The following NAALAD2 variants were observed in gnomAD, a reference collection of about 807,000 sequenced individuals.
NAALAD2 encodes the protein N-acetylated alpha-linked acidic dipeptidase 2, also known as N-acetylated-alpha-linked acidic dipeptidase 2.
A neutral mutation model predicts 95.6 loss-of-function variants in NAALAD2; 89 were observed. That is an observed-to-expected ratio of 0.93 (90% CI 0.78 to 1.11). NAALAD2 has a LOEUF of 1.11. Among genes scored for constraint, NAALAD2 ranks in the 50% least tolerant of loss-of-function variants. The pLI, the probability that NAALAD2 is intolerant of heterozygous loss-of-function variation, is 0.00. For synonymous variants in NAALAD2, 264 were observed against 294.4 expected (o/e 0.90, Z 1.06); for missense variants, 894 against 872.4 (o/e 1.02, Z -0.31).
chr11:90,173,371 T>G (rs1952697326), intron 13 of NAALAD2, among the ~76,000 whole-genome samples: 2 of 152,222 alleles, frequency 1.3e-5, no homozygotes, highest in Admixed American at 1.3e-4. Flanking sequence ...GAAGCTGAGC[T>G]TGAAATTATG....
At chr11:90,155,418 C>A (rs1281315403) in intron 6 of NAALAD2, among the ~76,000 whole-genome samples, 14 of 79,290 alleles carry the variant, frequency 1.8e-4, no homozygotes, top group African/African-American at 8.5e-4. Context: ...TGTAATATTA[C>A]ATATTATACA....
At chr11:90,136,612 A>G (rs1227546314) in intron 2 of NAALAD2, among the ~76,000 whole-genome samples, 1 of 152,180 alleles carries the variant, frequency 6.6e-6, no homozygotes, top group Non-Finnish European at 1.5e-5. Context: ...TGTTGCATGC[A>G]TTAGTAGTTC....
Position 90,173,928 on chromosome 11 carries a change from T to TA in NAALAD2, c.1502+14dup, listed in dbSNP as rs201823460. The TA allele has an allele frequency of 0.017, 26,754 of 1,540,876 alleles. 302 individuals are homozygous for TA. Among genetic ancestry groups the TA allele is most frequent in the Non-Finnish European group, 0.02 (22,692 of 1,115,570 alleles). Reference sequence around the variant, plus strand: ...AAAATTTGCCTAGGTAAGTTACTGATATGCACCTTTTCTACTGTAGGATAA... The same window carrying TA: ...AAAATTTGCCTAGGTAAGTTACTGATAATGCACCTTTTCTACTGTAGGATAA... On this transcript the variant is annotated intron_variant, in intron 14 of 18. Transcript: ENST00000534061.
At position 90,171,982 on chromosome 11, in the gene NAALAD2, CAAAA is replaced by C. The variant is rs540762367; in HGVS notation, c.1411-1838_1411-1835del. On this transcript the variant is annotated intron_variant, in intron 13 of 18. Coordinates refer to ENST00000534061, the MANE Select transcript of NAALAD2 (RefSeq NM_005467.4). ...GGAGTGTAAGCCATAGAAATCCTGA[CAAAA>C]AAAGAAAGAAAAGAAAAAAGAAAGA... is the stretch of plus-strand genomic sequence containing the variant. 3.5e-5 allele frequency among the ~76,000 whole-genome samples: 5 copies of C among 144,560 alleles called. No individual in the cohort carries two copies. The South Asian group carries it at 8.9e-4, about 26-fold the overall frequency. The allele number at this position is 144,560 out of a possible 152,430, so 94.8% of individuals were successfully genotyped here.
In NAALAD2 at chr11:90,135,557, A is replaced by C; in HGVS notation, c.83-2A>C. ...GCATGTTTGTGTATTTTTTTTCCTT[A>C]GGCTGGTTTATTAAGCCTCTCAAAG... On this transcript the variant is annotated splice_acceptor_variant, in intron 1 of 18. Transcript: ENST00000534061. LOFTEE classifies it high-confidence loss of function. 6.2e-7 allele frequency: 1 copy of C among 1,602,472 alleles called. No homozygotes were observed. The highest frequency in any genetic ancestry group is 8.5e-7 in the Non-Finnish European group (1 of 1,173,658).
intron 6 of NAALAD2, among the ~76,000 whole-genome samples, chr11:90,155,369 A>T (rs1952044620): frequency 1.1e-5 from 1 of 89,778 alleles, no homozygotes; most frequent in East Asian, 3.2e-4. Flanking sequence ...TATAATATGT[A>T]ATATTACATA....
At chr11:90,167,079 C>G (rs772603252) in intron 11 of NAALAD2, among the ~76,000 whole-genome samples, 8 of 152,224 alleles carry the variant, frequency 5.3e-5, no homozygotes, top group Non-Finnish European at 7.3e-5. Context: ...GCCTTGGCGC[C>G]CACTCTGGCC....
intron 8 of NAALAD2, 199 bp from the exon 9 acceptor site, chr11:90,162,750 A>G (rs1004183707): frequency 1.7e-5 from 6 of 344,560 alleles, no homozygotes; most frequent in African/African-American, 8.5e-5. Context: ...GTAAATTGGC[A>G]TAATGTCTGT....
intron 16 of NAALAD2, 36 bp from the exon 17 acceptor site, chr11:90,181,584 G>T: frequency 7.1e-7 from 1 of 1,413,214 alleles, no homozygotes; most frequent in Non-Finnish European, 1.0e-6. Flanking sequence ...TGAAATATGA[G>T]CTAATTTCTC....
intron 6 of NAALAD2, among the ~76,000 whole-genome samples, chr11:90,153,481 A>G (rs2083725858): frequency 6.6e-6 from 1 of 152,104 alleles, no homozygotes; most frequent in African/African-American, 2.4e-5. Context: ...ACATTCTAAC[A>G]GATGCATACA....
chr11:90,135,081 A>C (rs1951420991), intron 1 of NAALAD2: 1 of 511,434 alleles, frequency 2.0e-6, no homozygotes, highest in Admixed American at 3.3e-5. Context: ...AGTTCACTAA[A>C]GACAACCTAC....
chr11:90,135,025 AATAG>A, intron 1 of NAALAD2, 185 bp downstream of exon 1: 1 of 602,962 alleles, frequency 1.7e-6, no homozygotes, highest in South Asian at 2.1e-5. Flanking sequence ...TGGGCTTGCT[AATAG>A]ATAAAGTGTG....
chr11:90,141,205 A>G (rs1232354890), intron 2 of NAALAD2, among the ~76,000 whole-genome samples: 4 of 152,196 alleles, frequency 2.6e-5, no homozygotes, highest in South Asian at 2.1e-4. Flanking sequence ...TATTGTAGCT[A>G]TACTATATCC....
At chr11:90,177,730 G>A (rs548055124) in intron 15 of NAALAD2, 123 bp from the exon 16 acceptor site, 10 of 971,226 alleles carry the variant, frequency 1.0e-5, no homozygotes, top group Middle Eastern at 3.6e-4. Flanking sequence ...TAGGATTACA[G>A]ATGTGAGCCA....
At chr11:90,152,140 G>C (rs1951903710) in intron 5 of NAALAD2, among the ~76,000 whole-genome samples, 158 bp from the exon 6 acceptor site, 1 of 152,148 alleles carries the variant, frequency 6.6e-6, no homozygotes, top group African/African-American at 2.4e-5. Flanking sequence ...GGTCTAATAG[G>C]TGGGAAATTG....
chr11:90,181,763 A>C (rs1472485550), intron 17 of NAALAD2, 62 bp downstream of exon 17: 1 of 1,087,664 alleles, frequency 9.2e-7, no homozygotes, highest in Non-Finnish European at 1.4e-6. Context: ...TACTAGAATG[A>C]ACTGTTTCAC....
At chr11:90,149,976 G>T (rs1222012034) in intron 4 of NAALAD2, among the ~76,000 whole-genome samples, 1 of 152,140 alleles carries the variant, frequency 6.6e-6, no homozygotes, top group African/African-American at 2.4e-5. Context: ...GTCTGGCTGG[G>T]TGTGGTGGCT....
At chr11:90,144,910 TG>T (rs1217193055) in intron 2 of NAALAD2, among the ~76,000 whole-genome samples, 3 of 152,078 alleles carry the variant, frequency 2.0e-5, no homozygotes, top group Admixed American at 2.0e-4. Context: ...GGCTTAAATG[TG>T]GGAACAATTG....
At chr11:90,172,505 CAT>C (rs1327961543) in intron 13 of NAALAD2, among the ~76,000 whole-genome samples, 1 of 152,172 alleles carries the variant, frequency 6.6e-6, no homozygotes, top group African/African-American at 2.4e-5. Flanking sequence ...TGTTCAAAAT[CAT>C]GTGCCAATAC....
Sources: gnomAD v4.1 joint callset for allele counts (sites outside exome capture counted in the v4.1 genomes callset) on GRCh38, gnomAD v4.1.1 for gene constraint, MANE v1.5 for transcripts, NCBI Gene and HGNC (gene_info 2026-07-23, HGNC 2026-07-21) for gene names.